MUC22: variants seen among roughly 807,000 people sequenced by gnomAD.
MUC22 encodes mucin 22, also known as mucin-22.
Under a neutral mutation model 40.3 loss-of-function variants are expected in MUC22, and 24 were observed. The observed-to-expected ratio is 0.60, with a 90% CI of 0.43 to 0.84. The LOEUF (loss-of-function observed/expected upper bound fraction) is 0.84. MUC22 is among the 40% of genes least tolerant of loss of function. The pLI is 0.00. For synonymous variants in MUC22, 765 were observed against 844.5 expected (o/e 0.91, Z 1.63); for missense variants, 1,926 against 2,130.7 (o/e 0.90, Z 1.89).
At chr6:31,017,754 C>T (rs115273897) in intron 1 of MUC22, among the ~76,000 whole-genome samples, 18,206 of 150,602 alleles carry the variant, frequency 0.12, 1,275 homozygotes, top group African/African-American at 0.17. Flanking sequence ...AACCAATCGG[C>T]GCTCTGTAAA....
upstream of MUC22, among the ~76,000 whole-genome samples, chr6:31,009,819 T>C (rs1404206231): frequency 3.3e-5 from 5 of 152,236 alleles, no homozygotes; most frequent in Admixed American, 6.5e-5. Flanking sequence ...TCAGGGTCCC[T>C]GACCTATGCT....
intron 1 of MUC22, among the ~76,000 whole-genome samples, chr6:31,016,780 G>A (rs534741759): frequency 6.6e-6 from 1 of 152,356 alleles, no homozygotes; most frequent in African/African-American, 2.4e-5. Context: ...TCAGCTTTCA[G>A]GGAGGTGTGG....
At position 31,011,339 on chromosome 6, in the gene MUC22, C is replaced by G. The variant is rs1300061092; in HGVS notation, c.70+563C>G. Among the ~76,000 whole-genome samples the G allele has an allele frequency of 1.3e-5, 2 of 151,896 alleles. No individual in the cohort carries two copies. The highest frequency in any genetic ancestry group is 3.8e-4 in the East Asian group (2 of 5,196). On this transcript the variant is annotated intron_variant, in intron 1 of 3. Transcript: ENST00000561890. This position sits in a 1 kb window ranked among gnomAD's most constrained non-coding sequence, Gnocchi z 4.5. ...ACCCTATCTGTAGTCTTTTATCTCT[C>G]GTGCCTCCCCCGTCCTTCCTCCCTA...
At position 31,032,728 on chromosome 6, in the gene MUC22, C is replaced by A; in HGVS notation, c.5055+147C>A. The A allele has an allele frequency of 1.1e-6, 1 of 907,814 alleles. No homozygotes were observed. The highest frequency in any genetic ancestry group is 1.6e-6 in the Non-Finnish European group (1 of 619,924). The allele number at this position is 907,814 out of a possible 1,614,324, so 56.2% of individuals were successfully genotyped here. Reference sequence around the variant, plus strand: ...AGAATCACCTAGCCTGATATAAGGACCAGAGAGAATGCTTAAGTCAGAGAA... The same window carrying A: ...AGAATCACCTAGCCTGATATAAGGAACAGAGAGAATGCTTAAGTCAGAGAA... On this transcript the variant is annotated intron_variant, in intron 3 of 3. Transcript: ENST00000561890. This position sits in a 1 kb window ranked among gnomAD's most constrained non-coding sequence, Gnocchi z 4.1.
chr6:31,025,537 GA>G lies in MUC22; in HGVS notation c.107del (p.Asp36AlafsTer24), dbSNP rs2150780541. 6.6e-7 allele frequency: 1 copy of G among 1,518,854 alleles called. No homozygotes were observed. The highest frequency in any genetic ancestry group is 8.8e-7 in the Non-Finnish European group (1 of 1,140,756). 94.1% of individuals were successfully genotyped at this position (1,518,854 alleles called of 1,614,324 possible). On this transcript the variant is annotated frameshift_variant, in exon 2 of 4. Transcript: ENST00000561890. LOFTEE classifies it high-confidence loss of function. ...TACCACAGCCTTCACAAAAGGCTCC[GA>G]CACCACCACAGCCTCCATCACAGGC...
intron 1 of MUC22, among the ~76,000 whole-genome samples, chr6:31,016,099 T>C (rs1401477864): frequency 2.0e-5 from 3 of 151,828 alleles, no homozygotes; most frequent in Non-Finnish European, 4.4e-5. Flanking sequence ...ATCTTTTTTT[T>C]CTCTACAACC....
chr6:31,034,897 G>A (rs1249662510), exon 4 of MUC22: 4 of 1,535,460 alleles, frequency 2.6e-6, no homozygotes, highest in Non-Finnish European at 3.5e-6. Flanking sequence ...TGGCTACGGA[G>A]TGAATCATGG....
upstream of MUC22, among the ~76,000 whole-genome samples, chr6:31,008,683 G>A (rs1763673122): frequency 6.6e-6 from 1 of 151,232 alleles, no homozygotes; most frequent in African/African-American, 2.4e-5. Flanking sequence ...CAAGTAGCTG[G>A]GATTACAGGC....
intron 1 of MUC22, among the ~76,000 whole-genome samples, chr6:31,022,161 C>T (rs1467486029): frequency 2.0e-5 from 3 of 152,094 alleles, no homozygotes; most frequent in African/African-American, 4.8e-5. Context: ...CCAGACATGC[C>T]ACCTTAAGAG....
intron 2 of MUC22, among the ~76,000 whole-genome samples, chr6:31,030,676 G>T (rs62401670): frequency 6.6e-6 from 1 of 151,604 alleles, no homozygotes; most frequent in Non-Finnish European, 1.5e-5. Flanking sequence ...CAGCAAGCCC[G>T]CCTCAACTCT....
chr6:31,029,450 C>A (rs773825621), exon 2 of MUC22: 3 of 1,534,594 alleles, frequency 2.0e-6, no homozygotes, highest in Non-Finnish European at 1.7e-6. Context: ...ACAGTCTCCA[C>A]CTCAGGCTCT....
intron 1 of MUC22, among the ~76,000 whole-genome samples, 170 bp downstream of exon 1, chr6:31,010,946 C>G (rs1763826418): frequency 6.8e-6 from 1 of 148,002 alleles, no homozygotes; most frequent in Admixed American, 6.7e-5. Flanking sequence ...GATCCCAATT[C>G]CACTGACCAT....
exon 2 of MUC22, chr6:31,028,178 C>A (rs1453028522): frequency 1.3e-6 from 2 of 1,534,490 alleles, no homozygotes; most frequent in Admixed American, 2.0e-5. Context: ...TCTGAGAGGA[C>A]CATCACCTCT....
intron 1 of MUC22, among the ~76,000 whole-genome samples, chr6:31,022,478 A>G (rs1044015070): frequency 6.6e-6 from 1 of 152,170 alleles, no homozygotes; most frequent in Non-Finnish European, 1.5e-5. Context: ...TTAAATGTAA[A>G]AGTTCTTCAG....
upstream of MUC22, among the ~76,000 whole-genome samples, chr6:31,008,601 T>G (rs1210544845): frequency 6.7e-6 from 1 of 149,736 alleles, no homozygotes; most frequent in Non-Finnish European, 1.5e-5. Flanking sequence ...CGGGCTGGAG[T>G]GCAGTGGTGC....
intron 1 of MUC22, among the ~76,000 whole-genome samples, chr6:31,021,523 A>G (rs1485174765): frequency 2.7e-5 from 4 of 148,112 alleles, no homozygotes; most frequent in African/African-American, 7.6e-5. Flanking sequence ...AAATACACCA[A>G]TCGGCACTCT....
chr6:31,020,441 C>CTTTTTTT lies in MUC22; in HGVS notation c.71-5048_71-5042dup, dbSNP rs3084519. On this transcript the variant is annotated intron_variant, in intron 1 of 3. Coordinates refer to ENST00000561890, the Ensembl canonical transcript of MUC22. Reference sequence around the variant, plus strand: ...GAAGACCTTGCCTCCTGGAAATTGACTTTTTTTTTTTTTTTTTTTGATACG... The same window carrying CTTTTTTT: ...GAAGACCTTGCCTCCTGGAAATTGACTTTTTTTTTTTTTTTTTTTTTTTTTTGATACG... Among the ~76,000 whole-genome samples, 352 of 126,680 alleles carry CTTTTTTT rather than the reference C, an allele frequency of 2.8e-3. 7 individuals carry two copies. The highest frequency in any genetic ancestry group is 4.6e-3 in the Non-Finnish European group (282 of 61,760). 83.1% of individuals were successfully genotyped at this position (126,680 alleles called of 152,430 possible).
intron 1 of MUC22, among the ~76,000 whole-genome samples, chr6:31,022,135 T>C (rs1010844054): frequency 3.3e-5 from 5 of 151,852 alleles, no homozygotes; most frequent in Non-Finnish European, 7.4e-5. Flanking sequence ...CATCTGAACA[T>C]CAGAAGGAGC....
intron 1 of MUC22, among the ~76,000 whole-genome samples, chr6:31,017,674 G>T (rs1172726721): frequency 6.6e-6 from 1 of 152,152 alleles, no homozygotes; most frequent in Non-Finnish European, 1.5e-5. Flanking sequence ...GAGAACTTTT[G>T]TGTCTAGCTC....
Sources: allele counts gnomAD v4.1 joint callset (sites outside exome capture counted in the v4.1 genomes callset), GRCh38; gene constraint gnomAD v4.1.1; non-coding constraint Gnocchi (gnomAD v3.1); transcripts MANE v1.5; gene names NCBI Gene and HGNC (gene_info 2026-07-23, HGNC 2026-07-21).